Variants in CDK5RAP2 observed in about 807,000 individuals in gnomAD.
CDK5RAP2 encodes CDK5 regulatory subunit associated protein 2.
A neutral mutation model predicts 232.9 loss-of-function variants in CDK5RAP2; 147 were observed. The ratio of observed to expected loss-of-function variants is 0.63; its 90% CI spans 0.55 to 0.72. The LOEUF is 0.72. Ranked by LOEUF, CDK5RAP2 falls within the 30% of genes least tolerant of loss-of-function variation. CDK5RAP2 has a pLI of 0.00. For missense variants in CDK5RAP2, 2,195 were observed against 2,231.5 expected, an observed-to-expected ratio of 0.98 and a Z score of 0.33; for synonymous variants, 833 against 833.7, an observed-to-expected ratio of 1.00 and a Z score of 0.01.
At chr9:120,423,550 T>C (rs1266736530) in intron 25 of CDK5RAP2, among the ~76,000 whole-genome samples, 56 of 152,176 alleles carry the variant, frequency 3.7e-4, no homozygotes, top group Admixed American at 3.7e-3. Context: ...GACGCTCTGC[T>C]CTCTTCCTGC....
intron 12 of CDK5RAP2, among the ~76,000 whole-genome samples, chr9:120,505,937 A>G (rs1010505880): frequency 6.6e-6 from 1 of 152,260 alleles, no homozygotes; most frequent in Non-Finnish European, 1.5e-5. Context: ...GTGCTGATGT[A>G]GAAGCTGCAG....
At chr9:120,547,841 T>C (rs1468654857) in intron 4 of CDK5RAP2, among the ~76,000 whole-genome samples, 1 of 152,170 alleles carries the variant, frequency 6.6e-6, no homozygotes, top group Non-Finnish European at 1.5e-5. Context: ...CACAGAAACT[T>C]ACCAAGCACC....
chr9:120,396,937 T>G (rs2032517823), intron 35 of CDK5RAP2, among the ~76,000 whole-genome samples: 1 of 152,194 alleles, frequency 6.6e-6, no homozygotes, highest in Non-Finnish European at 1.5e-5. Context: ...TCACTTAATC[T>G]CTTGGAGTTT....
chr9:120,537,483 A>C (rs1051971963), intron 6 of CDK5RAP2, among the ~76,000 whole-genome samples: 2 of 152,134 alleles, frequency 1.3e-5, no homozygotes, highest in African/African-American at 4.8e-5. Context: ...ACAACAACAA[A>C]GCCTGTTATT....
rs1241199340 is a variant in CDK5RAP2 at position 120,537,266 on chromosome 9, T to A, written c.508-740A>T. 5.3e-5 allele frequency among the ~76,000 whole-genome samples: 8 copies of A among 152,138 alleles called. No homozygotes were observed. In the East Asian group the frequency reaches 1.5e-3, roughly 29 times the overall value. ...CTCTCTGAGCCTGAACTTCCCAATCTATAAAATAGGGATAACCACCGTCCC... is the reference window on the plus strand; with the variant it reads ...CTCTCTGAGCCTGAACTTCCCAATCAATAAAATAGGGATAACCACCGTCCC... On this transcript the variant is annotated intron_variant, in intron 6 of 37. Transcript: ENST00000349780.
intron 27 of CDK5RAP2, among the ~76,000 whole-genome samples, chr9:120,418,655 C>T (rs1415158295): frequency 6.6e-6 from 1 of 152,184 alleles, no homozygotes; most frequent in Non-Finnish European, 1.5e-5. Flanking sequence ...ACCAAGTACT[C>T]AGAAACTCAC....
intron 20 of CDK5RAP2, among the ~76,000 whole-genome samples, chr9:120,455,726 A>T (rs2036733860): frequency 6.6e-6 from 1 of 151,754 alleles, no homozygotes; most frequent in South Asian, 2.1e-4. Context: ...AACAGAGCCA[A>T]ACCTTGTGTC....
chr9:120,391,979 A>G (rs751569925), intron 36 of CDK5RAP2, among the ~76,000 whole-genome samples: 6 of 152,146 alleles, frequency 3.9e-5, no homozygotes, highest in Admixed American at 6.5e-5. Context: ...GCTCTGGCGG[A>G]GCCTGCTCTG....
intron 12 of CDK5RAP2, among the ~76,000 whole-genome samples, chr9:120,497,421 TAAAAAAAAAAAAAAAAAAA>T (rs71385064): frequency 2.1e-4 from 5 of 23,298 alleles, no homozygotes; most frequent in East Asian, 6.3e-3. Context: ...AAAATAAATT[TAAAAAAAAAAAAAAAAAAA>T]AAAAAAAAAA....
chr9:120,505,981 A>C (rs186401374), intron 12 of CDK5RAP2, among the ~76,000 whole-genome samples: 1 of 152,370 alleles, frequency 6.6e-6, no homozygotes, highest in Non-Finnish European at 1.5e-5. Flanking sequence ...TAACTGATGG[A>C]GGTAGCTACA....
In CDK5RAP2 at chr9:120,555,940, T is replaced by G. The variant is rs139069145; in HGVS notation, c.196-5038A>C. On this transcript the variant is annotated intron_variant, in intron 3 of 37. Transcript: ENST00000349780. The stretch of plus-strand genomic sequence containing the variant: ...GGCAAAGAAGACAGTCTGAAAAGAT[T>G]ACATACTGTATGATTCCATTTATAC... Among the ~76,000 whole-genome samples, 520 of 152,328 alleles carry G rather than the reference T, an allele frequency of 3.4e-3. 4 individuals are homozygous for G. Among genetic ancestry groups the G allele is most frequent in the Middle Eastern group, 6.8e-3 (2 of 294 alleles).
At chr9:120,477,695 G>A (rs556001762) in intron 14 of CDK5RAP2, among the ~76,000 whole-genome samples, 3 of 152,274 alleles carry the variant, frequency 2.0e-5, no homozygotes, top group East Asian at 3.9e-4. Flanking sequence ...GCTTCCAACA[G>A]CTGCTAGGAA....
intron 11 of CDK5RAP2, among the ~76,000 whole-genome samples, chr9:120,520,838 GTATCTCATATATATCTCATATGAGCTA>G (rs1388028942): frequency 4.3e-4 from 64 of 150,180 alleles, no homozygotes; most frequent in South Asian, 8.5e-4. Flanking sequence ...CATATGAGCT[GTATCTCATATATATCTCATATGAGCTA>G]TATCTCATAT....
Position 120,572,022 on chromosome 9 carries a change from G to C in CDK5RAP2, c.79C>G (p.Pro27Ala). Reference sequence around the variant, plus strand: ...GGGTTGATGCCATCCAGGTCATCTGGTACACTGGGAACAAGGCCACTAGGA... The same window carrying C: ...GGGTTGATGCCATCCAGGTCATCTGCTACACTGGGAACAAGGCCACTAGGA... ...SGCSGLVPSV[P>A]DDLDGINPNA... is the part of the protein sequence containing the mutation. The change falls in exon 2 of 38, where the codon CCA (proline) becomes GCA (alanine). Residue 27 changes from proline to alanine, a missense_variant. Coordinates refer to ENST00000349780, the MANE Select transcript of CDK5RAP2 (RefSeq NM_018249.6). The C allele has an allele frequency of 6.2e-7, 1 of 1,613,722 alleles. No homozygotes were observed.
At chr9:120,413,361 A>G (rs576314533) in intron 28 of CDK5RAP2, among the ~76,000 whole-genome samples, 120 of 152,200 alleles carry the variant, frequency 7.9e-4, no homozygotes, top group African/African-American at 2.9e-3. Flanking sequence ...ACAATATTCC[A>G]CCTCGATATT....
rs572250868 is a variant in CDK5RAP2, at chr9:120,478,525, T to G, written c.1627-1075A>C. On this transcript the variant is annotated intron_variant, in intron 14 of 37. Transcript: ENST00000349780. ...AGCGGCTCACACCTATAATCCCAGC[T>G]CTGTGGGAGGCCAAGGCGGGAAAAT... Among the ~76,000 whole-genome samples the G allele has an allele frequency of 1.2e-4, 19 of 152,208 alleles. No individual in the cohort carries two copies. The East Asian group carries it at 2.3e-3, about 19-fold the overall frequency.
At chr9:120,490,462 C>T (rs2038845823) in intron 13 of CDK5RAP2, among the ~76,000 whole-genome samples, 2 of 152,308 alleles carry the variant, frequency 1.3e-5, no homozygotes, top group East Asian at 1.9e-4. Context: ...GAGAGTGTCA[C>T]CTCTAACTGC....
Position 120,447,957 on chromosome 9 carries a change from T to C in CDK5RAP2, c.2963A>G (p.Lys988Arg). 1 of 1,614,224 alleles carries C rather than the reference T, an allele frequency of 6.2e-7. No individual in the cohort carries two copies. The highest frequency in any genetic ancestry group is 8.5e-7 in the Non-Finnish European group (1 of 1,180,036). ...FKTCNKQLHQ[K>R]LILAEAVMEG... ...CATCACTGCTTCAGCCAGAATTAAC[T>C]TTTGGTGAAGTTGCTTATTACAAGT... Residue 988 changes from lysine to arginine, a missense_variant, in exon 22 of 38, where the codon AAG becomes AGG. Lys to Arg is a conservative substitution (Grantham distance 26). Transcript: ENST00000349780.
chr9:120,481,755 C>G (rs897887129), intron 14 of CDK5RAP2, among the ~76,000 whole-genome samples: 2 of 152,118 alleles, frequency 1.3e-5, no homozygotes, highest in Non-Finnish European at 2.9e-5. Flanking sequence ...TCAGGCAATC[C>G]GCCCACCTGG....
Sources: allele counts gnomAD v4.1 joint callset (sites outside exome capture counted in the v4.1 genomes callset), GRCh38; gene constraint gnomAD v4.1.1; transcripts MANE v1.5; gene names NCBI Gene and HGNC (gene_info 2026-07-23, HGNC 2026-07-21).